Variants in DCC observed in about 807,000 individuals in gnomAD.
The protein encoded by DCC is netrin receptor DCC.
DCC carries 58 observed loss-of-function variants against 172.5 expected under a neutral mutation model. The observed-to-expected ratio is 0.34, with a 90% CI of 0.27 to 0.42. The LOEUF (loss-of-function observed/expected upper bound fraction) is 0.42. Among genes scored for constraint, DCC ranks in the 10% least tolerant of loss-of-function variants. DCC has a pLI of 1.00. For missense variants in DCC, 1,740 were observed against 1,791.0 expected (o/e 0.97, Z 0.51); for synonymous variants, 709 against 644.5 (o/e 1.10, Z -1.52).
intron 12 of DCC, among the ~76,000 whole-genome samples, chr18:53,242,850 C>T (rs1451319812): frequency 6.7e-6 from 1 of 150,100 alleles, no homozygotes; most frequent in East Asian, 1.9e-4. Flanking sequence ...ATAAAGGTGT[C>T]CAGACCTATG....
chr18:53,169,001 G>T (rs1331288611), intron 8 of DCC, among the ~76,000 whole-genome samples: 2 of 152,184 alleles, frequency 1.3e-5, no homozygotes, highest in Non-Finnish European at 2.9e-5. Context: ...ATGGCAAAAT[G>T]CTAGAAAAAG....
At chr18:53,298,124 C>T (rs767898596) in intron 12 of DCC, among the ~76,000 whole-genome samples, 1 of 152,102 alleles carries the variant, frequency 6.6e-6, no homozygotes, top group Non-Finnish European at 1.5e-5. Context: ...AAAACTATTA[C>T]TTATGTAATC....
chr18:52,768,601 G>T (rs2037291928), intron 2 of DCC, among the ~76,000 whole-genome samples: 1 of 152,140 alleles, frequency 6.6e-6, no homozygotes, highest in Non-Finnish European at 1.5e-5. Flanking sequence ...TTCAACATTT[G>T]TATTATGTTG....
intron 5 of DCC, among the ~76,000 whole-genome samples, chr18:52,974,591 G>A (rs1417986125): frequency 6.6e-6 from 1 of 152,164 alleles, no homozygotes; most frequent in Non-Finnish European, 1.5e-5. Flanking sequence ...ATCTAATGCA[G>A]GGAGGCTCTG....
chr18:52,899,544 G>A (rs2039780787), intron 2 of DCC, among the ~76,000 whole-genome samples: 2 of 151,616 alleles, frequency 1.3e-5, no homozygotes, highest in African/African-American at 2.4e-5. Flanking sequence ...TGATAGAGAC[G>A]GGGTTTCTCC....
At chr18:52,558,533 G>A (rs1336289286) in intron 1 of DCC, among the ~76,000 whole-genome samples, 2 of 151,978 alleles carry the variant, frequency 1.3e-5, no homozygotes, top group East Asian at 3.9e-4. Context: ...TTGCATATTT[G>A]CAGGATACTA....
At chr18:52,785,413 C>T (rs762106356) in intron 2 of DCC, among the ~76,000 whole-genome samples, 1 of 152,068 alleles carries the variant, frequency 6.6e-6, no homozygotes, top group Non-Finnish European at 1.5e-5. Flanking sequence ...CCCTTACTCT[C>T]TGCTTAAGTA....
At chr18:52,936,838 C>G (rs758242601) in intron 5 of DCC, among the ~76,000 whole-genome samples, 1 of 152,124 alleles carries the variant, frequency 6.6e-6, no homozygotes, top group Non-Finnish European at 1.5e-5. Flanking sequence ...ACAAAGTCAG[C>G]AAGAGTTAGG....
chr18:53,413,143 G>A (rs1246268084), intron 20 of DCC, among the ~76,000 whole-genome samples: 1 of 152,132 alleles, frequency 6.6e-6, no homozygotes, highest in African/African-American at 2.4e-5. Context: ...GAGGAAGGAT[G>A]CTCCCAATGG....
At chr18:53,136,193 T>TTATCTATC (rs149182187) in intron 7 of DCC, among the ~76,000 whole-genome samples, 3,217 of 149,036 alleles carry the variant, frequency 0.022, 115 homozygotes, top group African/African-American at 0.068. Flanking sequence ...GCATGTGATT[T>TTATCTATC]TATCTATCTA....
At chr18:53,139,330 C>T (rs866064493) in intron 7 of DCC, among the ~76,000 whole-genome samples, 3 of 152,292 alleles carry the variant, frequency 2.0e-5, no homozygotes, top group Middle Eastern at 3.4e-3. Flanking sequence ...CACTGGACCT[C>T]ATTCCTACCT....
chr18:53,351,321 TATATATATATACA>T (rs1211186850), intron 15 of DCC, among the ~76,000 whole-genome samples: 3 of 9,348 alleles, frequency 3.2e-4, no homozygotes, highest in Non-Finnish European at 1.4e-3. Context: ...ATATACACTG[TATATATATATACA>T]GTGTATATAT....
intron 12 of DCC, among the ~76,000 whole-genome samples, chr18:53,257,495 A>T (rs4939725): frequency 0.86 from 131,297 of 152,206 alleles, 56,921 homozygotes; most frequent in Admixed American, 0.91. Context: ...ATTGGTTCTG[A>T]TTATATGCTG....
chr18:53,024,185 C>T lies in DCC; in HGVS notation c.986-39120C>T, dbSNP rs561202210. Among the ~76,000 whole-genome samples, 6 of 152,102 alleles carry T rather than the reference C, an allele frequency of 3.9e-5. No individual in the cohort carries two copies. In the South Asian group the frequency reaches 6.2e-4, roughly 16 times the overall value. ...GACGTTTAACTTTTAACAAGAAACA[C>T]GCTAAATTTTCTCTTAAAATAGTTT... On this transcript the variant is annotated intron_variant, in intron 5 of 28. Coordinates refer to ENST00000442544, the MANE Select transcript of DCC (RefSeq NM_005215.4).
At chr18:53,177,327 T>G (rs941524455) in intron 8 of DCC, among the ~76,000 whole-genome samples, 1 of 151,776 alleles carries the variant, frequency 6.6e-6, no homozygotes, top group South Asian at 2.1e-4. Flanking sequence ...ACTTAAAGTA[T>G]AATAAAAAAA....
intron 1 of DCC, among the ~76,000 whole-genome samples, chr18:52,666,267 T>C (rs2144959024): frequency 6.6e-6 from 1 of 152,108 alleles, no homozygotes; most frequent in Admixed American, 6.5e-5. Context: ...ACACTCCAGC[T>C]TGGGCGACAG....
Position 53,124,104 on chromosome 18 carries a change from A to T in DCC, c.1262-33252A>T, listed in dbSNP as rs113414605. 9.8e-3 allele frequency among the ~76,000 whole-genome samples: 1,491 copies of T among 152,178 alleles called. 33 individuals carry two copies. Among genetic ancestry groups the T allele is most frequent in the African/African-American group, 0.033 (1,385 of 41,544 alleles). On this transcript the variant is annotated intron_variant, in intron 7 of 28. Coordinates refer to ENST00000442544, the MANE Select transcript of DCC (RefSeq NM_005215.4). ...ACAGTTTTCCTTCATGAGATTGGTT[A>T]GTATTCTATTCCTGTAATAACACTT... is the stretch of plus-strand genomic sequence containing the variant.
chr18:53,470,670 C>T (rs955404803), intron 25 of DCC, among the ~76,000 whole-genome samples: 1 of 152,074 alleles, frequency 6.6e-6, no homozygotes, highest in Non-Finnish European at 1.5e-5. Flanking sequence ...AACTCAGAAT[C>T]ATGGCGGAAG....
At chr18:52,548,505 A>T (rs2032676876) in intron 1 of DCC, among the ~76,000 whole-genome samples, 1 of 152,124 alleles carries the variant, frequency 6.6e-6, no homozygotes, top group Non-Finnish European at 1.5e-5. Context: ...ACAAGCGTCC[A>T]CATCAGTTCT....
Sources: allele counts gnomAD v4.1 joint callset (sites outside exome capture counted in the v4.1 genomes callset), GRCh38; gene constraint gnomAD v4.1.1; transcripts MANE v1.5; gene names NCBI Gene and HGNC (gene_info 2026-07-23, HGNC 2026-07-21).